KIF13B: variants seen among roughly 807,000 people sequenced by gnomAD.
The protein encoded by KIF13B is kinesin-like protein KIF13B.
Under a neutral mutation model 222.0 loss-of-function variants are expected in KIF13B, and 127 were observed. The observed-to-expected ratio is 0.57, with a 90% CI of 0.50 to 0.66. The LOEUF (loss-of-function observed/expected upper bound fraction) is 0.66, where lower values mean the gene tolerates loss of function less well. Ranked by LOEUF, KIF13B falls within the 30% of genes least tolerant of loss-of-function variation. KIF13B has a pLI of 0.00. For missense variants in KIF13B, 2,173 were observed against 2,379.0 expected (o/e 0.91, Z 1.80); for synonymous variants, 976 against 919.0 (o/e 1.06, Z -1.12).
rs574793538 is a variant in KIF13B at position 29,181,032 on chromosome 8, A to G, written c.586-794T>C. Among the ~76,000 whole-genome samples, 225 of 152,338 alleles carry G rather than the reference A, an allele frequency of 1.5e-3. 1 individual carries two copies. The highest frequency in any genetic ancestry group is 5.3e-3 in the African/African-American group (219 of 41,566). On this transcript the variant is annotated intron_variant, in intron 7 of 39. Coordinates refer to ENST00000524189, the MANE Select transcript of KIF13B (RefSeq NM_015254.4). ...ATCTTCAACTTGGCACATATGGCCG[A>G]GCTAAGAGACTACATTTCCCAGATG... is the stretch of plus-strand genomic sequence containing the variant.
intron 37 of KIF13B, among the ~76,000 whole-genome samples, chr8:29,081,991 TC>T (rs1242242147): frequency 6.6e-6 from 1 of 152,188 alleles, no homozygotes; most frequent in East Asian, 1.9e-4. Flanking sequence ...ACTGAATCAG[TC>T]CCAAAGTCAT....
intron 3 of KIF13B, among the ~76,000 whole-genome samples, chr8:29,194,404 C>T (rs1441714414): frequency 6.6e-6 from 1 of 151,856 alleles, no homozygotes; most frequent in African/African-American, 2.4e-5. Flanking sequence ...GGAGCTAAGC[C>T]TGTGTGCTCG....
intron 6 of KIF13B, among the ~76,000 whole-genome samples, chr8:29,182,252 A>C (rs970043732): frequency 1.3e-5 from 2 of 152,350 alleles, no homozygotes; most frequent in Non-Finnish European, 2.9e-5. Context: ...ACTTACTACA[A>C]AGAATGCAGA....
Position 29,069,076 on chromosome 8 carries a change from A to G in KIF13B, c.*1428T>C. ...TCCCTAGAGAACCAGAGCCTTCCGC[A>G]GCGCTTTCTAGATGTTGACTAAATG... is the stretch of plus-strand genomic sequence containing the variant. On this transcript the variant is annotated 3_prime_UTR_variant, in exon 40 of 40. Coordinates refer to ENST00000524189, the MANE Select transcript of KIF13B (RefSeq NM_015254.4). The G allele has an allele frequency of 6.6e-6, 1 of 152,252 alleles. No individual in the cohort carries two copies. The highest frequency in any genetic ancestry group is 1.9e-4 in the East Asian group (1 of 5,196). The allele number at this position is 152,252 out of a possible 1,614,324, so 9.4% of individuals were successfully genotyped here. A position where few individuals can be genotyped will look rare whatever the true frequency, so the allele number is the denominator to read the frequency against.
intron 36 of KIF13B, among the ~76,000 whole-genome samples, chr8:29,095,235 G>A (rs1369532556): frequency 6.6e-6 from 1 of 152,194 alleles, no homozygotes; most frequent in Non-Finnish European, 1.5e-5. Context: ...ACTTCTGAAA[G>A]TAGGTGAACC....
At chr8:29,228,948 C>T (rs1815162498) in intron 2 of KIF13B, among the ~76,000 whole-genome samples, 1 of 152,074 alleles carries the variant, frequency 6.6e-6, no homozygotes, top group South Asian at 2.1e-4. Context: ...GAACCAAATT[C>T]TCTTTTGTTT....
At position 29,176,132 on chromosome 8, in the gene KIF13B, C is replaced by A; in HGVS notation, c.881G>T (p.Ser294Ile). 6.2e-7 allele frequency: 1 copy of A among 1,613,776 alleles called. No homozygotes were observed. Among genetic ancestry groups the A allele is most frequent in the Non-Finnish European group, 8.5e-7 (1 of 1,179,760 alleles). Residue 294 changes from serine (S) to isoleucine (I), a missense_variant, in exon 10 of 40, where the codon AGT (serine) becomes ATT (isoleucine). By Grantham distance (142) the Ser-to-Ile change is moderately radical. Coordinates refer to ENST00000524189, the MANE Select transcript of KIF13B (RefSeq NM_015254.4). ...GLVISALADQ[S>I]AGKNKNKFVP... is the part of the protein sequence containing the mutation. ...AAATTTATTCTTGTTTTTGCCAGCACTCTGATCTGCAAGAGCTGAGATAAC... is the reference window on the plus strand; with the variant it reads ...AAATTTATTCTTGTTTTTGCCAGCAATCTGATCTGCAAGAGCTGAGATAAC...
At position 29,181,984 on chromosome 8, in the gene KIF13B, T is replaced by C; in HGVS notation, c.520A>G (p.Arg174Gly). The change falls in exon 7 of 40, where the codon AGA (arginine) becomes GGA (glycine). Residue 174 changes from arginine to glycine, a missense_variant. Physicochemically the swap from Arg to Gly is moderately radical, Grantham distance 125. This residue lies in a region of KIF13B where 1,480 missense variants were observed against 1,722.8 expected (regional missense o/e 0.86). Coordinates refer to ENST00000524189, the MANE Select transcript of KIF13B (RefSeq NM_015254.4). Reference sequence around the variant, plus strand: ...TAAGGTCCCAACACACTATGCTCTCTGACTTTCAACGTCTGACGGCTTCTG... The same window carrying C: ...TAAGGTCCCAACACACTATGCTCTCCGACTTTCAACGTCTGACGGCTTCTG... ...PKGSRQTLKV[R>G]EHSVLGPYVD... 6.2e-7 allele frequency: 1 copy of C among 1,613,290 alleles called. No homozygotes were observed. Among genetic ancestry groups the C allele is most frequent in the Non-Finnish European group, 8.5e-7 (1 of 1,179,582 alleles).
chr8:29,120,284 G>T (rs974890543), intron 29 of KIF13B, among the ~76,000 whole-genome samples: 7 of 113,036 alleles, frequency 6.2e-5, no homozygotes, highest in Admixed American at 9.4e-5. Flanking sequence ...ACCCACTAAC[G>T]TGTCATCTAG....
At chr8:29,192,594 ATATTT>A (rs2130358530) in intron 3 of KIF13B, among the ~76,000 whole-genome samples, 1 of 152,314 alleles carries the variant, frequency 6.6e-6, no homozygotes, top group South Asian at 2.1e-4. Flanking sequence ...ACATTCTAAA[ATATTT>A]TATCTATCTC....
Position 29,127,258 on chromosome 8 carries a change from CG to C in KIF13B, c.3085del (p.Arg1029GlyfsTer7), listed in dbSNP as rs1440264554. 6 of 1,613,454 alleles carry C rather than the reference CG, an allele frequency of 3.7e-6. No homozygotes were observed. Among genetic ancestry groups the C allele is most frequent in the Non-Finnish European group, 5.1e-6 (6 of 1,179,748 alleles). The stretch of plus-strand genomic sequence containing the variant: ...TGACTTCACTTCGACTTGAACTCTC[CG>C]GGACTGCCCCTGGGTCACAGACAAT... ...GIFQLRQGQS[R>X]RVQVEVKSVQ... On this transcript the variant is annotated frameshift_variant, in exon 25 of 40. Transcript: ENST00000524189. LOFTEE classifies it high-confidence loss of function.
chr8:29,140,737 T>C, intron 19 of KIF13B, 120 bp from the exon 20 acceptor site: 7 of 915,532 alleles, frequency 7.6e-6, no homozygotes, highest in Non-Finnish European at 1.1e-5. Flanking sequence ...CTAACTCTTG[T>C]ATTTTTTAGA....
chr8:29,234,253 G>A (rs924007980), intron 2 of KIF13B, among the ~76,000 whole-genome samples: 2 of 152,114 alleles, frequency 1.3e-5, no homozygotes, highest in African/African-American at 4.8e-5. Flanking sequence ...GAGGAAAAAG[G>A]TAGAAGCAAC....
At chr8:29,095,569 C>A (rs1287493377) in intron 36 of KIF13B, among the ~76,000 whole-genome samples, 1 of 152,078 alleles carries the variant, frequency 6.6e-6, no homozygotes, top group African/African-American at 2.4e-5. Flanking sequence ...GAGTTCGAGA[C>A]CAGCCTGACC....
intron 37 of KIF13B, among the ~76,000 whole-genome samples, chr8:29,080,232 G>A (rs769682043): frequency 6.7e-6 from 1 of 149,326 alleles, no homozygotes; most frequent in Non-Finnish European, 1.5e-5. Context: ...GAACTACTTG[G>A]GAGCTGAGAA....
intron 1 of KIF13B, among the ~76,000 whole-genome samples, chr8:29,246,161 C>T (rs984047486): frequency 6.6e-6 from 1 of 152,098 alleles, no homozygotes; most frequent in Non-Finnish European, 1.5e-5. Context: ...GGGTGGATTA[C>T]TTGAGGTCAG....
chr8:29,108,853 C>T (rs1809221608), intron 34 of KIF13B, among the ~76,000 whole-genome samples: 1 of 152,208 alleles, frequency 6.6e-6, no homozygotes, highest in African/African-American at 2.4e-5. Flanking sequence ...TTTTCATATC[C>T]ACATCTTCAT....
chr8:29,177,194 T>A (rs142661218), intron 9 of KIF13B, among the ~76,000 whole-genome samples: 1 of 151,410 alleles, frequency 6.6e-6, no homozygotes, highest in Non-Finnish European at 1.5e-5. Flanking sequence ...GGGATGCGGC[T>A]AGACACTCTA....
chr8:29,150,040 T>C (rs1044032647), intron 15 of KIF13B, among the ~76,000 whole-genome samples: 6 of 152,292 alleles, frequency 3.9e-5, no homozygotes, highest in African/African-American at 1.4e-4. Context: ...AATCATCTTC[T>C]AGTGGGAAAT....
Sources: gnomAD v4.1 joint callset for allele counts (sites outside exome capture counted in the v4.1 genomes callset) on GRCh38, gnomAD v4.1.1 for gene constraint, gnomAD v4.1.1 regional missense constraint, MANE v1.5 for transcripts, NCBI Gene and HGNC (gene_info 2026-07-23, HGNC 2026-07-21) for gene names.